HSD17B12: variants seen among roughly 807,000 people sequenced by gnomAD.
HSD17B12 encodes the protein very-long-chain 3-oxoacyl-CoA reductase.
In HSD17B12, 32 loss-of-function variants were observed where a neutral mutation model predicts 39.3. That is an observed-to-expected ratio of 0.81 (90% CI 0.61 to 1.09). The LOEUF (loss-of-function observed/expected upper bound fraction) is 1.09, where lower values mean the gene tolerates loss of function less well. HSD17B12 is among the 50% of genes least tolerant of loss of function. The pLI is 0.00. For missense variants in HSD17B12, 342 were observed against 382.9 expected, an observed-to-expected ratio of 0.89 and a Z score of 0.89; for synonymous variants, 150 against 146.7, an observed-to-expected ratio of 1.02 and a Z score of -0.16.
At chr11:43,800,596 T>C (rs942337425) in intron 4 of HSD17B12, among the ~76,000 whole-genome samples, 1 of 152,190 alleles carries the variant, frequency 6.6e-6, no homozygotes, top group African/African-American at 2.4e-5. Context: ...CTGTTAAGGA[T>C]AAGCATACAG....
At chr11:43,697,553 A>G (rs983401774) in intron 1 of HSD17B12, among the ~76,000 whole-genome samples, 2 of 152,192 alleles carry the variant, frequency 1.3e-5, no homozygotes, top group Non-Finnish European at 2.9e-5. Context: ...AGTTTACCCA[A>G]AGTCACATAG....
chr11:43,776,967 C>G (rs1341382801), intron 3 of HSD17B12, among the ~76,000 whole-genome samples: 1 of 152,124 alleles, frequency 6.6e-6, no homozygotes, highest in East Asian at 1.9e-4. Context: ...TGATCTATAT[C>G]TCTGTTTTGG....
the HSD17B12 span, among the ~76,000 whole-genome samples, chr11:43,619,986 T>G: frequency 6.6e-6 from 1 of 152,212 alleles, no homozygotes; most frequent in African/African-American, 2.4e-5. Flanking sequence ...GTCCACTGGT[T>G]AAAAGGGAAA....
chr11:43,710,372 C>CT (rs1414105063), intron 1 of HSD17B12, among the ~76,000 whole-genome samples: 1 of 152,154 alleles, frequency 6.6e-6, no homozygotes, highest in African/African-American at 2.4e-5. Flanking sequence ...GGGATCCTTG[C>CT]ATGGTAGACT....
At chr11:43,816,256 GTTCAATGCTTCTCTAGATTACCTA>G in intron 5 of HSD17B12, 67 bp from the exon 6 acceptor site, 2 of 1,090,508 alleles carry the variant, frequency 1.8e-6, no homozygotes, top group Non-Finnish European at 2.5e-6. Context: ...CTGGGGAAAT[GTTCAATGCTTCTCTAGATTACCTA>G]AGTAGATATC....
intron 1 of HSD17B12, among the ~76,000 whole-genome samples, chr11:43,707,754 A>G (rs749339324): frequency 6.6e-6 from 1 of 152,220 alleles, no homozygotes; most frequent in Non-Finnish European, 1.5e-5. Flanking sequence ...GACTTAATTA[A>G]TCTCACCTGT....
intron 3 of HSD17B12, among the ~76,000 whole-genome samples, chr11:43,766,910 G>A (rs948033939): frequency 3.9e-5 from 6 of 152,192 alleles, no homozygotes; most frequent in Admixed American, 6.5e-5. Flanking sequence ...GTTACCAGTC[G>A]TTTACTCTGA....
intron 9 of HSD17B12, among the ~76,000 whole-genome samples, chr11:43,843,066 A>G (rs1698813352): frequency 6.6e-6 from 1 of 152,220 alleles, no homozygotes; most frequent in Non-Finnish European, 1.5e-5. Context: ...TTCCCTAATA[A>G]TGAAGTATAA....
chr11:43,806,099 T>C (rs1263236131), intron 4 of HSD17B12: 7 of 152,326 alleles, frequency 4.6e-5, no homozygotes, highest in Middle Eastern at 3.4e-3. Context: ...TCCAGGCGCA[T>C]CCTTGTGTTC....
chr11:43,809,585 A>C (rs1951050591), intron 4 of HSD17B12, among the ~76,000 whole-genome samples: 1 of 152,166 alleles, frequency 6.6e-6, no homozygotes, highest in African/African-American at 2.4e-5. Flanking sequence ...TTGGGAGGCC[A>C]AGGCAGGCGG....
intron 4 of HSD17B12, among the ~76,000 whole-genome samples, chr11:43,811,208 C>T (rs146351477): frequency 6.6e-6 from 1 of 152,306 alleles, no homozygotes; most frequent in African/African-American, 2.4e-5. Context: ...CCAAAAGATT[C>T]GCACTATTCT....
chr11:43,806,090 C>T (rs1430837282), intron 4 of HSD17B12, among the ~76,000 whole-genome samples: 4 of 152,286 alleles, frequency 2.6e-5, no homozygotes, highest in Admixed American at 6.5e-5. Flanking sequence ...ACCTTACCTT[C>T]CAGGCGCATC....
chr11:43,657,347 CTT>C, the HSD17B12 span, among the ~76,000 whole-genome samples: 2 of 152,204 alleles, frequency 1.3e-5, no homozygotes, highest in African/African-American at 2.4e-5. Flanking sequence ...GGTCTTGACT[CTT>C]TATCCGGTTT....
chr11:43,797,237 A>G (rs1950923518), intron 3 of HSD17B12, among the ~76,000 whole-genome samples: 1 of 152,212 alleles, frequency 6.6e-6, no homozygotes, highest in African/African-American at 2.4e-5. Flanking sequence ...ATGAGCTGAC[A>G]TTGACTTTGA....
At chr11:43,676,523 G>A (rs556085363), upstream of HSD17B12, among the ~76,000 whole-genome samples, 7 of 152,284 alleles carry the variant, frequency 4.6e-5, no homozygotes, top group African/African-American at 1.7e-4. Flanking sequence ...GGCCAGCAAA[G>A]GACACTGAGA....
intron 9 of HSD17B12, among the ~76,000 whole-genome samples, chr11:43,842,771 G>A (rs1050970134): frequency 6.6e-6 from 1 of 152,144 alleles, no homozygotes; most frequent in Non-Finnish European, 1.5e-5. Context: ...TTGCGACTAG[G>A]CAGGAATCCT....
intron 1 of HSD17B12, among the ~76,000 whole-genome samples, chr11:43,739,685 C>T (rs1950347250): frequency 1.4e-5 from 1 of 69,884 alleles, no homozygotes; most frequent in African/African-American, 7.0e-5. Context: ...ACTACTGTCA[C>T]ATTGGCCATT....
rs1488337668 is a variant in HSD17B12 at position 43,831,294 on chromosome 11, A to T, written c.536+284A>T. The T allele has an allele frequency of 6.1e-5, 14 of 230,236 alleles. No homozygotes were observed. Among genetic ancestry groups the T allele is most frequent in the Non-Finnish European group, 1.2e-4 (14 of 118,930 alleles). 14.3% of individuals were successfully genotyped at this position (230,236 alleles called of 1,614,324 possible). A position where few individuals can be genotyped will look rare whatever the true frequency, so the allele number is the denominator to read the frequency against. On this transcript the variant is annotated intron_variant, in intron 7 of 10. Transcript: ENST00000278353. This position sits in a 1 kb window ranked among gnomAD's most constrained non-coding sequence, Gnocchi z 4.1. ...GTCACCATCACTAACTCAATTGCCT[A>T]CTATTCTGAGGGGGCGGATAGAGTT...
the HSD17B12 span, among the ~76,000 whole-genome samples, chr11:43,579,846 G>A: frequency 1.3e-5 from 2 of 152,026 alleles, no homozygotes; most frequent in East Asian, 3.9e-4. Context: ...CGTTTTCTCC[G>A]GGCGTGCTGG....
Sources: allele counts gnomAD v4.1 joint callset (sites outside exome capture counted in the v4.1 genomes callset), GRCh38; gene constraint gnomAD v4.1.1; non-coding constraint Gnocchi (gnomAD v3.1); transcripts MANE v1.5; gene names NCBI Gene and HGNC (gene_info 2026-07-23, HGNC 2026-07-21).